The following CHSY3 variants were observed in gnomAD, a reference collection of about 807,000 sequenced individuals.
The protein encoded by CHSY3 is chondroitin sulfate synthase 3.
A neutral mutation model predicts 67.2 loss-of-function variants in CHSY3; 35 were observed. The observed-to-expected ratio is 0.52, with a 90% CI of 0.40 to 0.69. CHSY3 has a LOEUF of 0.69. Ranked by LOEUF, CHSY3 falls within the 30% of genes least tolerant of loss-of-function variation. CHSY3 has a pLI of 0.00. For missense variants in CHSY3, 1,069 were observed against 1,138.5 expected, an observed-to-expected ratio of 0.94 and a Z score of 0.88; for synonymous variants, 474 against 434.7, an observed-to-expected ratio of 1.09 and a Z score of -1.12.
chr5:130,021,562 C>CT (rs202200455), intron 2 of CHSY3, among the ~76,000 whole-genome samples: 3 of 151,872 alleles, frequency 2.0e-5, no homozygotes, highest in East Asian at 1.9e-4. Flanking sequence ...ACCTGTTTTT[C>CT]TTTTTTTTCC....
intron 2 of CHSY3, among the ~76,000 whole-genome samples, chr5:130,180,612 G>A (rs1288457649): frequency 6.6e-6 from 1 of 152,070 alleles, no homozygotes; most frequent in African/African-American, 2.4e-5. Flanking sequence ...CCAGACCTTG[G>A]GAGGCTGAGG....
chr5:129,996,338 AC>A (rs1279736092), intron 2 of CHSY3, among the ~76,000 whole-genome samples: 12 of 152,180 alleles, frequency 7.9e-5, no homozygotes, highest in Non-Finnish European at 1.2e-4. Context: ...GCTTATAAGA[AC>A]TTTTACAGGA....
chr5:130,047,939 T>C (rs1329037753), intron 2 of CHSY3, among the ~76,000 whole-genome samples: 2 of 151,766 alleles, frequency 1.3e-5, no homozygotes, highest in African/African-American at 4.9e-5. Context: ...CTTAGGAGTA[T>C]CAACCTTTTT....
intron 2 of CHSY3, among the ~76,000 whole-genome samples, chr5:130,035,132 A>G (rs761351279): frequency 6.6e-6 from 1 of 152,124 alleles, no homozygotes; most frequent in Non-Finnish European, 1.5e-5. Flanking sequence ...TTCAACATAC[A>G]TTAGGAATAT....
intron 2 of CHSY3, among the ~76,000 whole-genome samples, chr5:130,072,224 C>G (rs1399399272): frequency 1.3e-5 from 2 of 151,994 alleles, no homozygotes; most frequent in Non-Finnish European, 2.9e-5. Flanking sequence ...AAATCATTGC[C>G]AAGAGCAATG....
chr5:129,910,449 G>A (rs1046696861), intron 2 of CHSY3, among the ~76,000 whole-genome samples: 43 of 151,998 alleles, frequency 2.8e-4, no homozygotes, highest in African/African-American at 1.0e-3. Flanking sequence ...TGGGATTTCA[G>A]TCATTAAAGG....
chr5:130,001,826 C>T, intron 2 of CHSY3: 1 of 837,890 alleles, frequency 1.2e-6, no homozygotes, highest in Middle Eastern at 6.2e-4. Flanking sequence ...TATCTATTTT[C>T]CTGTAACTGA....
At chr5:130,106,821 A>G (rs1423927872) in intron 2 of CHSY3, among the ~76,000 whole-genome samples, 2 of 151,768 alleles carry the variant, frequency 1.3e-5, no homozygotes, top group Admixed American at 6.6e-5. Flanking sequence ...GCAAGGAAAC[A>G]TGGAAATTAG....
chr5:130,051,137 C>T (rs1023857620), intron 2 of CHSY3, among the ~76,000 whole-genome samples: 2 of 145,590 alleles, frequency 1.4e-5, no homozygotes, highest in African/African-American at 2.8e-5. Context: ...AAACTCTTAA[C>T]AATGGTCACC....
At position 129,908,083 on chromosome 5, in the gene CHSY3, A is replaced by C; in HGVS notation, c.809A>C (p.Lys270Thr). 1 of 1,610,736 alleles carries C rather than the reference A, an allele frequency of 6.2e-7. No individual in the cohort carries two copies. The highest frequency in any genetic ancestry group is 8.5e-7 in the Non-Finnish European group (1 of 1,178,608). ...GTTGCCTTTCTTTTTGTAGGTGATA[A>C]ATTAGAAGAGTTTCTTAGATCGCTA... is the stretch of plus-strand genomic sequence containing the variant. The part of the protein sequence containing the change: ...ADDDVYIKGD[K>T]LEEFLRSLNS... The change falls in exon 2 of 3, where the codon AAA becomes ACA. Residue 270 changes from lysine (K) to threonine (T), a missense_variant. This residue lies in a region of CHSY3 where 216 missense variants were observed against 311.5 expected (regional missense o/e 0.69). Transcript: ENST00000305031.
chr5:130,132,263 A>G (rs540529735), intron 2 of CHSY3, among the ~76,000 whole-genome samples: 2 of 152,280 alleles, frequency 1.3e-5, no homozygotes, highest in African/African-American at 4.8e-5. Context: ...TCTCTTCAAG[A>G]TCAGAGATAA....
At position 130,105,825 on chromosome 5, in the gene CHSY3, A is replaced by C. The variant is rs1414087400; in HGVS notation, c.1087-78404A>C. Among the ~76,000 whole-genome samples, 9 of 151,742 alleles carry C rather than the reference A, an allele frequency of 5.9e-5. No homozygotes were observed. In the East Asian group the frequency reaches 1.7e-3, roughly 29 times the overall value. Reference sequence around the variant, plus strand: ...ATTTTAAAAATATATATGGACATAAAATTATTCTTGAAAAAGTGATAGGCA... The same window carrying C: ...ATTTTAAAAATATATATGGACATAACATTATTCTTGAAAAAGTGATAGGCA... On this transcript the variant is annotated intron_variant, in intron 2 of 2. Transcript: ENST00000305031.
chr5:129,979,003 C>T (rs1300762703), intron 2 of CHSY3, among the ~76,000 whole-genome samples: 1 of 151,396 alleles, frequency 6.6e-6, no homozygotes, highest in East Asian at 1.9e-4. Flanking sequence ...TTGAGACCAT[C>T]CTGGCTAACA....
chr5:129,933,260 A>G (rs1761376621), intron 2 of CHSY3, among the ~76,000 whole-genome samples: 1 of 152,150 alleles, frequency 6.6e-6, no homozygotes, highest in Non-Finnish European at 1.5e-5. Context: ...TTATCCATCC[A>G]TTAAAAGTAA....
rs115265167 is a variant in CHSY3 at position 130,123,523 on chromosome 5, G to A, written c.1087-60706G>A. Reference sequence around the variant, plus strand: ...TTTGATGTCACTGCTGATCTGACAGGAGGCAGAGCTCAGGCTGTAATGCTC... The same window carrying A: ...TTTGATGTCACTGCTGATCTGACAGAAGGCAGAGCTCAGGCTGTAATGCTC... On this transcript the variant is annotated intron_variant, in intron 2 of 2. Transcript: ENST00000305031. Among the ~76,000 whole-genome samples the A allele has an allele frequency of 9.8e-3, 1,494 of 152,272 alleles. 30 individuals carry two copies. Among genetic ancestry groups the A allele is most frequent in the African/African-American group, 0.034 (1,420 of 41,550 alleles).
At chr5:129,907,141 G>A (rs1349244628) in intron 1 of CHSY3, among the ~76,000 whole-genome samples, 1 of 152,026 alleles carries the variant, frequency 6.6e-6, no homozygotes, top group African/African-American at 2.4e-5. Flanking sequence ...CATTTTGCAG[G>A]GAATTTATAA....
intron 2 of CHSY3, among the ~76,000 whole-genome samples, chr5:130,182,937 T>C (rs775496549): frequency 6.6e-6 from 1 of 151,952 alleles, no homozygotes; most frequent in Non-Finnish European, 1.5e-5. Flanking sequence ...AGCTTATTTG[T>C]CTATTAATTG....
chr5:130,151,307 C>T lies in CHSY3; in HGVS notation c.1087-32922C>T, dbSNP rs531938634. Among the ~76,000 whole-genome samples the T allele has an allele frequency of 2.2e-4, 33 of 152,292 alleles. No individual in the cohort carries two copies. The South Asian group carries it at 5.0e-3, about 23-fold the overall frequency. Reference sequence around the variant, plus strand: ...GTCATTACTGTGAGGCCCAAAATGCCACTTTTGGTGAGCAAATTGGGGCAT... The same window carrying T: ...GTCATTACTGTGAGGCCCAAAATGCTACTTTTGGTGAGCAAATTGGGGCAT... On this transcript the variant is annotated intron_variant, in intron 2 of 2. Transcript: ENST00000305031.
At chr5:130,014,418 G>T (rs1400089445) in intron 2 of CHSY3, among the ~76,000 whole-genome samples, 1 of 152,174 alleles carries the variant, frequency 6.6e-6, no homozygotes, top group East Asian at 1.9e-4. Flanking sequence ...CACATGGCTA[G>T]GGAGACCTCA....
Sources: allele counts gnomAD v4.1 joint callset (sites outside exome capture counted in the v4.1 genomes callset), GRCh38; gene constraint gnomAD v4.1.1; regional missense constraint gnomAD v4.1.1; transcripts MANE v1.5; gene names NCBI Gene and HGNC (gene_info 2026-07-23, HGNC 2026-07-21).